Variants in RAB38 observed in about 807,000 individuals in gnomAD.
RAB38 encodes the protein RAB38, member RAS oncogene family.
Under a neutral mutation model 18.4 loss-of-function variants are expected in RAB38, and 15 were observed. The observed-to-expected ratio is 0.82, with a 90% CI of 0.55 to 1.26. The LOEUF (loss-of-function observed/expected upper bound fraction) is 1.26. Among genes scored for constraint, RAB38 ranks in the 50% most tolerant of loss-of-function variants. The pLI is 0.00. For synonymous variants in RAB38, 101 were observed against 104.4 expected, an observed-to-expected ratio of 0.97 and a Z score of 0.20; for missense variants, 294 against 267.4, an observed-to-expected ratio of 1.10 and a Z score of -0.69.
chr11:88,083,568 G>C, the RAB38 span, among the ~76,000 whole-genome samples: 27 of 151,830 alleles, frequency 1.8e-4, no homozygotes, highest in African/African-American at 6.3e-4. Flanking sequence ...TGGTGCCATG[G>C]TTTGAATGTG....
At chr11:88,167,292 T>C (rs533248574) in intron 1 of RAB38, 3 of 152,092 alleles carry the variant, frequency 2.0e-5, no homozygotes, top group Non-Finnish European at 4.4e-5. Flanking sequence ...ATATCTGGAA[T>C]GTAAAAATCA....
the RAB38 span, among the ~76,000 whole-genome samples, chr11:88,025,756 T>C: frequency 1.3e-5 from 2 of 152,210 alleles, no homozygotes; most frequent in Non-Finnish European, 2.9e-5. Flanking sequence ...AAATTCCTTA[T>C]AGAGTCTGGA....
At chr11:87,852,763 T>C in the RAB38 span, among the ~76,000 whole-genome samples, 1 of 152,194 alleles carries the variant, frequency 6.6e-6, no homozygotes, top group African/African-American at 2.4e-5. Flanking sequence ...AGAACTAGTA[T>C]ACAACAACAC....
chr11:88,046,133 C>T, the RAB38 span, among the ~76,000 whole-genome samples: 1 of 152,106 alleles, frequency 6.6e-6, no homozygotes, highest in Non-Finnish European at 1.5e-5. Context: ...CCTTTACCAT[C>T]TCATTAAAAC....
the RAB38 span, among the ~76,000 whole-genome samples, chr11:87,823,340 C>G: frequency 6.6e-6 from 1 of 151,384 alleles, no homozygotes; most frequent in Non-Finnish European, 1.5e-5. Flanking sequence ...ATAATTCTCC[C>G]CAAATTCAGC....
chr11:87,881,739 C>T, the RAB38 span, among the ~76,000 whole-genome samples: 2 of 151,782 alleles, frequency 1.3e-5, no homozygotes, highest in African/African-American at 4.8e-5. Flanking sequence ...AGGTTTCCCT[C>T]ACTTTCTGCT....
the RAB38 span, among the ~76,000 whole-genome samples, chr11:87,936,504 C>G: frequency 2.6e-5 from 4 of 152,156 alleles, no homozygotes; most frequent in African/African-American, 9.6e-5. Flanking sequence ...GATTTATGTG[C>G]CTACCCCTCC....
chr11:88,146,100 C>G (rs965169015), intron 2 of RAB38, among the ~76,000 whole-genome samples: 1 of 152,138 alleles, frequency 6.6e-6, no homozygotes, highest in Non-Finnish European at 1.5e-5. Flanking sequence ...AATTCACTTG[C>G]CAGCCAGGGG....
the RAB38 span, among the ~76,000 whole-genome samples, chr11:87,917,529 GTTT>G: frequency 8.3e-4 from 61 of 73,204 alleles, no homozygotes; most frequent in African/African-American, 1.8e-3. Context: ...TCACTGAAGT[GTTT>G]TTTTTTTTTT....
At chr11:88,021,700 C>T in the RAB38 span, among the ~76,000 whole-genome samples, 1 of 150,812 alleles carries the variant, frequency 6.6e-6, no homozygotes, top group Admixed American at 6.6e-5. Flanking sequence ...AAGCGATCCT[C>T]ATGCCTCAGC....
the RAB38 span, among the ~76,000 whole-genome samples, chr11:87,955,686 C>G: frequency 2.7e-5 from 4 of 148,724 alleles, no homozygotes; most frequent in Non-Finnish European, 5.9e-5. Context: ...ATCAATCAAT[C>G]TTTCTATCAT....
intron 2 of RAB38, among the ~76,000 whole-genome samples, chr11:88,133,726 T>C (rs1394695753): frequency 6.6e-6 from 1 of 152,188 alleles, no homozygotes; most frequent in Non-Finnish European, 1.5e-5. Flanking sequence ...TGATGTATAA[T>C]CTGACTTTTT....
the RAB38 span, among the ~76,000 whole-genome samples, chr11:87,896,957 T>C: frequency 6.6e-6 from 1 of 151,700 alleles, no homozygotes; most frequent in African/African-American, 2.4e-5. Flanking sequence ...AATAGTTTAC[T>C]TGTTTGTAGA....
the RAB38 span, among the ~76,000 whole-genome samples, chr11:88,095,679 T>C: frequency 6.6e-6 from 1 of 151,934 alleles, no homozygotes; most frequent in South Asian, 2.1e-4. Context: ...CTGATGTTTC[T>C]TCTCAACTCT....
At chr11:87,902,394 T>A in the RAB38 span, among the ~76,000 whole-genome samples, 2 of 151,592 alleles carry the variant, frequency 1.3e-5, no homozygotes, top group Non-Finnish European at 3.0e-5. Context: ...GGTGCCAAAG[T>A]AGAAATAGAT....
chr11:88,143,960 C>T (rs144264885), intron 2 of RAB38, among the ~76,000 whole-genome samples: 99 of 152,216 alleles, frequency 6.5e-4, no homozygotes, highest in African/African-American at 2.3e-3. Flanking sequence ...TATATTGATC[C>T]TTAAATAGAT....
the RAB38 span, among the ~76,000 whole-genome samples, chr11:87,872,846 T>A: frequency 9.2e-5 from 14 of 151,640 alleles, no homozygotes; most frequent in Non-Finnish European, 1.8e-4. Context: ...AGATTATTTA[T>A]CCATTCACCC....
the RAB38 span, among the ~76,000 whole-genome samples, chr11:87,895,069 T>C: frequency 6.6e-6 from 1 of 151,588 alleles, no homozygotes; most frequent in Non-Finnish European, 1.5e-5. Context: ...TCAACTGAAA[T>C]GCTTACTTGA....
the RAB38 span, among the ~76,000 whole-genome samples, chr11:87,965,689 G>A: frequency 3.9e-5 from 6 of 152,252 alleles, no homozygotes; most frequent in African/African-American, 7.2e-5. Context: ...AAACACATGC[G>A]AACTACCTGA....
Sources: gnomAD v4.1 joint callset for allele counts (sites outside exome capture counted in the v4.1 genomes callset) on GRCh38, gnomAD v4.1.1 for gene constraint, MANE v1.5 for transcripts, NCBI Gene and HGNC (gene_info 2026-07-23, HGNC 2026-07-21) for gene names.